The following TAF4 variants were observed in gnomAD, a reference collection of about 807,000 sequenced individuals.
The protein encoded by TAF4 is TATA-box binding protein associated factor 4, also known as transcription initiation factor TFIID subunit 4.
Under a neutral mutation model 90.3 loss-of-function variants are expected in TAF4, and 9 were observed. The observed-to-expected ratio is 0.10, with a 90% confidence interval of 0.06 to 0.17. TAF4 has a LOEUF of 0.17. Ranked by LOEUF, TAF4 falls within the 10% of genes least tolerant of loss-of-function variation. TAF4 has a pLI of 1.00. For synonymous variants in TAF4, 818 were observed against 638.9 expected (o/e 1.28, Z -4.23); for missense variants, 1,351 against 1,370.7 (o/e 0.99, Z 0.23).
chr20:62,019,299 G>A (rs1006593242), intron 1 of TAF4, among the ~76,000 whole-genome samples: 27 of 152,296 alleles, frequency 1.8e-4, no homozygotes, highest in African/African-American at 3.6e-4. Context: ...GAGGCCACCC[G>A]CCCGAGTTCC....
intron 14 of TAF4, among the ~76,000 whole-genome samples, chr20:61,983,321 G>A (rs1372660860): frequency 6.6e-6 from 1 of 151,220 alleles, no homozygotes; most frequent in Admixed American, 6.6e-5. Flanking sequence ...AATTAAAAGA[G>A]CAAAGAATAA....
chr20:62,064,319 C>G (rs79043465), intron 1 of TAF4, 132 bp downstream of exon 1: 30,105 of 1,088,586 alleles, frequency 0.028, 513 homozygotes, highest in Middle Eastern at 0.079. Flanking sequence ...GTAGAGACTG[C>G]CCCTCGGCCT....
At chr20:62,018,070 G>C (rs1424404888) in intron 1 of TAF4, among the ~76,000 whole-genome samples, 1 of 152,166 alleles carries the variant, frequency 6.6e-6, no homozygotes, top group Non-Finnish European at 1.5e-5. Context: ...CACAAGAAGT[G>C]ACCATGTGAC....
chr20:62,021,239 G>A (rs933115459), intron 1 of TAF4, among the ~76,000 whole-genome samples: 9 of 152,238 alleles, frequency 5.9e-5, no homozygotes, highest in Non-Finnish European at 1.0e-4. Context: ...TGTAAGAAGG[G>A]AGAAGCCACT....
chr20:62,005,486 A>T (rs1220302976), intron 7 of TAF4: 2 of 152,312 alleles, frequency 1.3e-5, no homozygotes, highest in Non-Finnish European at 2.9e-5. Context: ...GTGCCTGCTT[A>T]AACAGAACCC....
intron 14 of TAF4, among the ~76,000 whole-genome samples, chr20:61,985,924 G>GACCAAAGGAAA (rs1555873606): frequency 8.8e-6 from 1 of 113,634 alleles, no homozygotes; most frequent in African/African-American, 3.5e-5. Context: ...ACCAAAGGAA[G>GACCAAAGGAAA]CACCATCCCC....
chr20:62,043,960 C>T (rs1266996416), intron 1 of TAF4, among the ~76,000 whole-genome samples: 1 of 152,180 alleles, frequency 6.6e-6, no homozygotes, highest in African/African-American at 2.4e-5. Flanking sequence ...AGGCAGGGCC[C>T]GTTAGCTAAC....
chr20:61,991,528 G>A (rs919458800), intron 14 of TAF4, among the ~76,000 whole-genome samples: 2 of 151,952 alleles, frequency 1.3e-5, no homozygotes, highest in Admixed American at 6.6e-5. Context: ...GAACCCTGGA[G>A]GTCGAGGCTG....
chr20:61,994,357 C>G (rs76104097), intron 14 of TAF4, among the ~76,000 whole-genome samples: 2 of 152,238 alleles, frequency 1.3e-5, no homozygotes, highest in Non-Finnish European at 2.9e-5. Flanking sequence ...GGCCAGAGCC[C>G]GTGTTAGCCT....
intron 14 of TAF4, among the ~76,000 whole-genome samples, chr20:61,977,102 G>A (rs1393694989): frequency 6.8e-6 from 1 of 147,174 alleles, no homozygotes; most frequent in Admixed American, 6.8e-5. Flanking sequence ...GCCCAGCGGG[G>A]CACGCGCCAC....
In TAF4 at chr20:62,065,854, G is replaced by A. The variant is rs1454510219; in HGVS notation, c.-44C>T. ...GCCGCCGCCGCCGCTCGGGCCGAGC[G>A]CGCCTGGGCGAGGAGGAGGTTCCGA... On this transcript the variant is annotated 5_prime_UTR_variant, in exon 1 of 15. Transcript: ENST00000252996. 1 of 1,212,656 alleles carries A rather than the reference G, an allele frequency of 8.2e-7. No homozygotes were observed. Among genetic ancestry groups the A allele is most frequent in the Non-Finnish European group, 1.0e-6 (1 of 952,448 alleles). The allele number at this position is 1,212,656 out of a possible 1,614,324, so 75.1% of individuals were successfully genotyped here.
intron 5 of TAF4, among the ~76,000 whole-genome samples, chr20:62,008,422 G>C (rs1423320543): frequency 6.6e-6 from 1 of 152,116 alleles, no homozygotes; most frequent in African/African-American, 2.4e-5. Flanking sequence ...CGAGAGCTCG[G>C]CCATGAGTGG....
intron 4 of TAF4, 142 bp from the exon 5 acceptor site, chr20:62,009,316 T>C (rs1219027439): frequency 2.9e-5 from 26 of 904,524 alleles, no homozygotes; most frequent in Non-Finnish European, 3.7e-5. Flanking sequence ...CACCACCTCT[T>C]GGAACCCTGG....
Position 62,065,538 on chromosome 20 carries a change from G to C in TAF4, c.273C>G (p.Pro91=). The change falls in exon 1 of 15, where the codon CCC becomes CCG. Residue 91 remains proline, a synonymous_variant. Transcript: ENST00000252996. Reference sequence around the variant, plus strand: ...CGCCCCCCGGCCGCGCTCTACCTGCGGGGGGCGGCTCCGGCGCCGCTCCGG... The same window carrying C: ...CGCCCCCCGGCCGCGCTCTACCTGCCGGGGGCGGCTCCGGCGCCGCTCCGG... ...GAPGAAPEPP[P]AGRARPGGGG... The C allele has an allele frequency of 1.0e-6, 1 of 977,798 alleles. No individual in the cohort carries two copies. Among genetic ancestry groups the C allele is most frequent in the Non-Finnish European group, 1.2e-6 (1 of 826,520 alleles). The allele number at this position is 977,798 out of a possible 1,614,324, so 60.6% of individuals were successfully genotyped here. A position where few individuals can be genotyped will look rare whatever the true frequency, so the allele number is the denominator to read the frequency against.
chr20:61,990,638 G>T (rs2055625679), intron 14 of TAF4, among the ~76,000 whole-genome samples: 1 of 152,174 alleles, frequency 6.6e-6, no homozygotes, highest in African/African-American at 2.4e-5. Flanking sequence ...ACCAGGGAGG[G>T]CAGCCTGGCC....
intron 14 of TAF4, among the ~76,000 whole-genome samples, chr20:61,992,643 G>T (rs1218117677): frequency 1.3e-5 from 2 of 152,168 alleles, no homozygotes; most frequent in Non-Finnish European, 2.9e-5. Flanking sequence ...CCACTGAAAA[G>T]GCCAACCCAC....
chr20:62,039,797 A>G (rs538875716), intron 1 of TAF4, among the ~76,000 whole-genome samples: 20 of 152,216 alleles, frequency 1.3e-4, no homozygotes, highest in African/African-American at 4.8e-4. Context: ...CTAAATCAAT[A>G]ATGACAAAAC....
At chr20:61,992,850 A>G (rs975102757) in intron 14 of TAF4, among the ~76,000 whole-genome samples, 7 of 152,146 alleles carry the variant, frequency 4.6e-5, no homozygotes, top group African/African-American at 1.7e-4. Context: ...CAACCTGGAG[A>G]TGCTTCCATT....
chr20:62,040,346 T>C (rs982062109), intron 1 of TAF4, among the ~76,000 whole-genome samples: 10 of 152,182 alleles, frequency 6.6e-5, no homozygotes, highest in Non-Finnish European at 1.0e-4. Flanking sequence ...CGCAGAAGTA[T>C]CCCGCCAAGG....
Sources: gnomAD v4.1 joint callset for allele counts (sites outside exome capture counted in the v4.1 genomes callset) on GRCh38, gnomAD v4.1.1 for gene constraint, MANE v1.5 for transcripts, NCBI Gene and HGNC (gene_info 2026-07-23, HGNC 2026-07-21) for gene names.